Variants in OR2L13 observed in about 807,000 individuals in gnomAD.
The protein encoded by OR2L13 is olfactory receptor 2L13.
A neutral mutation model predicts 15.3 loss-of-function variants in OR2L13; 14 were observed. The ratio of observed to expected loss-of-function variants is 0.91; its 90% CI spans 0.60 to 1.43. The LOEUF is 1.43. OR2L13 is among the 40% of genes most tolerant of loss of function. The pLI is 0.00. For synonymous variants in OR2L13, 152 were observed against 142.9 expected, an observed-to-expected ratio of 1.06 and a Z score of -0.45; for missense variants, 367 against 387.9, an observed-to-expected ratio of 0.95 and a Z score of 0.45.
the OR2L13 span, chr1:248,021,943 G>A: frequency 6.2e-6 from 10 of 1,607,966 alleles, no homozygotes; most frequent in African/African-American, 1.3e-4. Context: ...TCGTATGAAT[G>A]CCCCATGGAA....
At chr1:247,947,103 G>C in the OR2L13 span, among the ~76,000 whole-genome samples, 1 of 151,884 alleles carries the variant, frequency 6.6e-6, no homozygotes, top group Admixed American at 6.6e-5. Context: ...TGAAACTTCC[G>C]CTTAATATTT....
At chr1:248,004,039 G>T in the OR2L13 span, 2 of 1,612,110 alleles carry the variant, frequency 1.2e-6, no homozygotes, top group African/African-American at 2.7e-5. Flanking sequence ...TGACACGAGT[G>T]AGTCAGAGAA....
At chr1:247,965,273 T>C in the OR2L13 span, 1 of 1,337,424 alleles carries the variant, frequency 7.5e-7, no homozygotes, top group Non-Finnish European at 1.0e-6. Flanking sequence ...TGTAAGTGAA[T>C]ATTTATTTCT....
the OR2L13 span, chr1:247,974,871 G>A: frequency 0.012 from 3,029 of 243,434 alleles, 91 homozygotes; most frequent in African/African-American, 0.065. Context: ...CAATCAGTCC[G>A]TGATCCTTCT....
the OR2L13 span, among the ~76,000 whole-genome samples, chr1:248,014,613 C>G: frequency 1.3e-5 from 2 of 152,094 alleles, no homozygotes; most frequent in Admixed American, 6.6e-5. Flanking sequence ...CTATATTACT[C>G]TACAGTCATA....
At chr1:247,957,681 G>A in the OR2L13 span, among the ~76,000 whole-genome samples, 3 of 152,188 alleles carry the variant, frequency 2.0e-5, no homozygotes, top group African/African-American at 7.2e-5. Context: ...GAGGGTGTAT[G>A]TGTTGAGGAA....
At chr1:248,087,200 TA>T in the OR2L13 span, among the ~76,000 whole-genome samples, 39 of 147,714 alleles carry the variant, frequency 2.6e-4, no homozygotes, top group South Asian at 3.2e-3. Context: ...TACTCTTCAG[TA>T]AAAAAAAAAA....
At chr1:248,045,999 C>CA in the OR2L13 span, 2 of 151,824 alleles carry the variant, frequency 1.3e-5, no homozygotes, top group African/African-American at 2.4e-5. Context: ...TTTTAAAACT[C>CA]AAAAAAATTA....
At chr1:248,096,160 C>T (rs1239603912), upstream of OR2L13, among the ~76,000 whole-genome samples, 1 of 151,634 alleles carries the variant, frequency 6.6e-6, no homozygotes, top group Non-Finnish European at 1.5e-5. Flanking sequence ...GGGCAGATCA[C>T]GAGGTCAGGA....
chr1:248,092,646 T>C (rs866285185), upstream of OR2L13, among the ~76,000 whole-genome samples: 2 of 152,224 alleles, frequency 1.3e-5, no homozygotes, highest in Admixed American at 6.5e-5. Context: ...AGGGTTACAC[T>C]GGTTAAACCA....
the OR2L13 span, among the ~76,000 whole-genome samples, chr1:248,015,461 A>G: frequency 1.3e-5 from 2 of 152,160 alleles, no homozygotes; most frequent in Non-Finnish European, 2.9e-5. Context: ...TCAGGTACAG[A>G]CAGCTTGTTT....
chr1:247,972,377 TAAAG>T, the OR2L13 span, among the ~76,000 whole-genome samples: 15 of 150,728 alleles, frequency 1.0e-4, no homozygotes, highest in East Asian at 2.9e-3. Context: ...TAGCGACAAA[TAAAG>T]AAGAAAAGAG....
chr1:248,001,570 AT>A, the OR2L13 span, among the ~76,000 whole-genome samples: 4 of 151,610 alleles, frequency 2.6e-5, no homozygotes, highest in Non-Finnish European at 5.9e-5. Context: ...AATAAAAAAA[AT>A]AATAAAAGGA....
chr1:248,071,570 A>G, the OR2L13 span, among the ~76,000 whole-genome samples: 2 of 152,274 alleles, frequency 1.3e-5, no homozygotes, highest in Admixed American at 6.5e-5. Context: ...CTGGCACAAG[A>G]CAGGGATTCC....
chr1:248,083,314 T>A, the OR2L13 span, among the ~76,000 whole-genome samples: 433 of 152,336 alleles, frequency 2.8e-3, 2 homozygotes, highest in Non-Finnish European at 4.3e-3. Flanking sequence ...ATTTCCACGC[T>A]ATGTGAAATT....
At chr1:248,018,377 C>A in the OR2L13 span, among the ~76,000 whole-genome samples, 1 of 152,030 alleles carries the variant, frequency 6.6e-6, no homozygotes, top group Admixed American at 6.6e-5. Flanking sequence ...TTAGTAATTA[C>A]AAATAGCACC....
the OR2L13 span, among the ~76,000 whole-genome samples, chr1:247,993,807 G>GAGAGAGAGAGAAAGAGAA: frequency 7.7e-6 from 1 of 129,082 alleles, no homozygotes; most frequent in African/African-American, 3.9e-5. Flanking sequence ...GAGAGAGAGA[G>GAGAGAGAGAGAAAGAGAA]AGAGAAAGAA....
chr1:247,941,302 A>C, the OR2L13 span, among the ~76,000 whole-genome samples: 1 of 152,170 alleles, frequency 6.6e-6, no homozygotes, highest in East Asian at 1.9e-4. Context: ...TTGGAGACTT[A>C]TAAGTCAGGT....
the OR2L13 span, chr1:248,038,590 T>G: frequency 4.5e-3 from 7,241 of 1,614,166 alleles, 285 homozygotes; most frequent in African/African-American, 0.08. Flanking sequence ...ACTTTAGCAG[T>G]TGCAGAAGGG....
Sources: allele counts gnomAD v4.1 joint callset (sites outside exome capture counted in the v4.1 genomes callset), GRCh38; gene constraint gnomAD v4.1.1; transcripts MANE v1.5; gene names NCBI Gene and HGNC (gene_info 2026-07-23, HGNC 2026-07-21).